The following GSE1 variants were observed in gnomAD, a reference collection of about 807,000 sequenced individuals.
The protein encoded by GSE1 is Gse1 coiled-coil protein, also known as genetic suppressor element 1.
GSE1 carries 32 observed loss-of-function variants against 112.6 expected under a neutral mutation model. That is an observed-to-expected ratio of 0.28 (90% CI 0.21 to 0.38). The LOEUF (loss-of-function observed/expected upper bound fraction) is 0.38, where lower values mean the gene tolerates loss of function less well. Among genes scored for constraint, GSE1 ranks in the 10% least tolerant of loss-of-function variants. The probability of loss-of-function intolerance (pLI) is 1.00; values close to 1 mark genes in which losing one functional copy is unlikely to be tolerated. For missense variants in GSE1, 2,348 were observed against 1,699.2 expected (o/e 1.38, Z -6.71); for synonymous variants, 1,115 against 735.6 (o/e 1.52, Z -8.35).
At chr16:85,620,160 C>A (rs2048640643) in intron 1 of GSE1, among the ~76,000 whole-genome samples, 1 of 152,134 alleles carries the variant, frequency 6.6e-6, no homozygotes, top group South Asian at 2.1e-4. Context: ...GTGGGATGCG[C>A]CTGTGGTTCC....
In GSE1 at chr16:85,498,262, C is replaced by A. The variant is rs114625674; in HGVS notation, c.2465-135652C>A. On this transcript the variant is annotated intron_variant, in intron 2 of 2. Transcript: ENST00000637419. ...TGCTGGGGTGTCCTCAGTGAGTCCC[C>A]TTCCCCACCAACACACATGCATAGA... is the stretch of plus-strand genomic sequence containing the variant. Among the ~76,000 whole-genome samples the A allele has an allele frequency of 6.6e-3, 1,001 of 152,262 alleles. 9 individuals are homozygous for A. The highest frequency in any genetic ancestry group is 0.023 in the African/African-American group (966 of 41,502).
In GSE1 at chr16:85,300,630, T is replaced by A. The variant is rs553832413; in HGVS notation, c.2284-56833T>A. On this transcript the variant is annotated intron_variant, in intron 1 of 2. Coordinates refer to the GSE1 transcript ENST00000637419. ...AGGGGGTGTCAGTGCCTCATTCCTC[T>A]CTCGCCGAGGAATAGTCCATGGAGT... Among the ~76,000 whole-genome samples, 29 of 152,356 alleles carry A rather than the reference T, an allele frequency of 1.9e-4. No homozygotes were observed. In the South Asian group the frequency reaches 5.8e-3, roughly 30 times the overall value.
At chr16:85,616,049 G>C (rs2048350577) in intron 1 of GSE1, among the ~76,000 whole-genome samples, 1 of 152,246 alleles carries the variant, frequency 6.6e-6, no homozygotes, top group Non-Finnish European at 1.5e-5. Context: ...AGTGCCTTGT[G>C]GTTTCAGAGC....
chr16:85,355,531 C>T (rs1189594278), intron 1 of GSE1, among the ~76,000 whole-genome samples: 1 of 152,168 alleles, frequency 6.6e-6, no homozygotes, highest in Non-Finnish European at 1.5e-5. Flanking sequence ...AGAGAGCAGA[C>T]GCCGACAGCC....
At chr16:85,652,488 G>C (rs1018999663) in intron 3 of GSE1, among the ~76,000 whole-genome samples, 2 of 152,244 alleles carry the variant, frequency 1.3e-5, no homozygotes, top group African/African-American at 4.8e-5. Context: ...ACAGAGAAGG[G>C]GGGCCGGGGC....
chr16:85,645,115 T>C (rs2050745810), intron 2 of GSE1, among the ~76,000 whole-genome samples: 1 of 151,030 alleles, frequency 6.6e-6, no homozygotes, highest in Non-Finnish European at 1.5e-5. Context: ...GCCGGCACAG[T>C]GCCCAGTCCC....
chr16:85,446,713 G>A lies in GSE1; in HGVS notation c.2464+89070G>A, dbSNP rs78151073. ...GTGTTGGAGCTCAGCCCTGGGGAACGGAGGAACAAGGGAAGAGCGGGCATG... is the reference window on the plus strand; with the variant it reads ...GTGTTGGAGCTCAGCCCTGGGGAACAGAGGAACAAGGGAAGAGCGGGCATG... On this transcript the variant is annotated intron_variant, in intron 2 of 2. Coordinates refer to the GSE1 transcript ENST00000637419. 5.0e-3 allele frequency among the ~76,000 whole-genome samples: 765 copies of A among 152,310 alleles called. 9 individuals carry two copies. Among genetic ancestry groups the A allele is most frequent in the African/African-American group, 0.018 (732 of 41,572 alleles).
intron 1 of GSE1, among the ~76,000 whole-genome samples, chr16:85,177,248 C>T (rs2074486368): frequency 6.6e-6 from 1 of 152,222 alleles, no homozygotes; most frequent in African/African-American, 2.4e-5. Flanking sequence ...TTAGATCTCT[C>T]AGGATCTCAC....
chr16:85,375,488 G>T (rs976808325), intron 2 of GSE1, among the ~76,000 whole-genome samples: 1 of 152,220 alleles, frequency 6.6e-6, no homozygotes, highest in Non-Finnish European at 1.5e-5. Context: ...GCCACAGCTG[G>T]GCAGCACCAG....
intron 1 of GSE1, among the ~76,000 whole-genome samples, chr16:85,627,068 T>A (rs1184446502): frequency 9.0e-6 from 1 of 110,760 alleles, no homozygotes; most frequent in Non-Finnish European, 1.8e-5. Context: ...TTTTTTTTTT[T>A]TTTTTTTTAA....
rs545277275 is a variant in GSE1 at position 85,187,220 on chromosome 16, G to A, written c.2283+15413G>A. On this transcript the variant is annotated intron_variant, in intron 1 of 2. Coordinates refer to the GSE1 transcript ENST00000637419. ...TAGGAGGCATGATGGGATCCCTTGT[G>A]ACTGTGGCTGCAGCAGCTCCAGGGC... is the stretch of plus-strand genomic sequence containing the variant. Among the ~76,000 whole-genome samples the A allele has an allele frequency of 3.3e-5, 5 of 152,376 alleles. No homozygotes were observed. The South Asian group carries it at 1.0e-3, about 32-fold the overall frequency.
chr16:85,363,927 C>T (rs1354240056), intron 2 of GSE1, among the ~76,000 whole-genome samples: 2 of 152,238 alleles, frequency 1.3e-5, no homozygotes, highest in Non-Finnish European at 2.9e-5. Flanking sequence ...TTGCCGATCA[C>T]CATGGCAGGG....
At chr16:85,466,905 T>C (rs1018242656) in intron 2 of GSE1, among the ~76,000 whole-genome samples, 1 of 151,984 alleles carries the variant, frequency 6.6e-6, no homozygotes, top group Non-Finnish European at 1.5e-5. Context: ...ACTGAAAATA[T>C]AAAAATTAGC....
At chr16:85,317,952 A>C (rs1393387420) in intron 1 of GSE1, among the ~76,000 whole-genome samples, 4 of 152,200 alleles carry the variant, frequency 2.6e-5, no homozygotes, top group Admixed American at 6.5e-5. Flanking sequence ...TCTCAAAAGA[A>C]CTGGGAACAT....
At chr16:85,627,256 G>A (rs77660583) in intron 1 of GSE1, among the ~76,000 whole-genome samples, 6,017 of 151,094 alleles carry the variant, frequency 0.04, 280 homozygotes, top group African/African-American at 0.11. Context: ...AGGGTTTTGC[G>A]GTGCTGTGGG....
At chr16:85,483,205 A>C (rs558352509) in intron 2 of GSE1, among the ~76,000 whole-genome samples, 4 of 152,260 alleles carry the variant, frequency 2.6e-5, no homozygotes, top group Non-Finnish European at 4.4e-5. Flanking sequence ...GTATTAATAC[A>C]TGCAAACATT....
chr16:85,409,542 A>C (rs531689491), intron 2 of GSE1, among the ~76,000 whole-genome samples: 2 of 3,928 alleles, frequency 5.1e-4, no homozygotes, highest in African/African-American at 6.3e-4. Flanking sequence ...CACTCAGGGC[A>C]CCTGGATAAT....
chr16:85,613,498 G>A (rs1266676395), intron 1 of GSE1, 100 bp downstream of exon 1: 2 of 1,112,984 alleles, frequency 1.8e-6, no homozygotes, highest in Non-Finnish European at 2.5e-6. Flanking sequence ...GGCCGCCAAC[G>A]GCTCCCGGGC....
intron 2 of GSE1, among the ~76,000 whole-genome samples, chr16:85,453,156 A>G (rs4783210): frequency 0.99 from 151,357 of 152,288 alleles, 75,223 homozygotes; most frequent in Middle Eastern, 1. Flanking sequence ...AGTCCTTTCC[A>G]GCTCCCGTAT....
Sources: gnomAD v4.1 joint callset for allele counts (sites outside exome capture counted in the v4.1 genomes callset) on GRCh38, gnomAD v4.1.1 for gene constraint, MANE v1.5 for transcripts, NCBI Gene and HGNC (gene_info 2026-07-23, HGNC 2026-07-21) for gene names.